The following GABRB1 variants were observed in gnomAD, a reference collection of about 807,000 sequenced individuals.
GABRB1 encodes gamma-aminobutyric acid type A receptor subunit beta1.
Under a neutral mutation model 51.6 loss-of-function variants are expected in GABRB1, and 17 were observed. That is an observed-to-expected ratio of 0.33 (90% CI 0.23 to 0.49). GABRB1 has a LOEUF of 0.49. Ranked by LOEUF, GABRB1 falls within the 20% of genes least tolerant of loss-of-function variation. The pLI is 0.99. For missense variants in GABRB1, 410 were observed against 600.6 expected (o/e 0.68, Z 3.32); for synonymous variants, 247 against 218.9 (o/e 1.13, Z -1.14).
intron 3 of GABRB1, among the ~76,000 whole-genome samples, chr4:47,077,292 G>A (rs1345442245): frequency 2.6e-5 from 4 of 152,132 alleles, no homozygotes; most frequent in African/African-American, 7.2e-5. Flanking sequence ...AGCTTGTTGG[G>A]AGCTAGATTT....
At chr4:47,370,967 A>C (rs1199320701) in intron 5 of GABRB1, among the ~76,000 whole-genome samples, 1 of 151,812 alleles carries the variant, frequency 6.6e-6, no homozygotes, top group Non-Finnish European at 1.5e-5. Context: ...GTACATGTTC[A>C]GGATGTGCAG....
At chr4:47,061,371 A>T (rs2109527989) in intron 3 of GABRB1, among the ~76,000 whole-genome samples, 1 of 152,296 alleles carries the variant, frequency 6.6e-6, no homozygotes, top group Non-Finnish European at 1.5e-5. Context: ...AGATTTGATT[A>T]AATGGTTACT....
At chr4:47,403,764 TA>T in intron 7 of GABRB1, 53 bp downstream of exon 7, 2 of 1,569,438 alleles carry the variant, frequency 1.3e-6, no homozygotes, top group Non-Finnish European at 1.7e-6. Flanking sequence ...TTCAAACAAA[TA>T]ACCAATATCA....
intron 3 of GABRB1, among the ~76,000 whole-genome samples, chr4:47,047,368 T>C (rs995800678): frequency 6.6e-6 from 1 of 152,132 alleles, no homozygotes; most frequent in Non-Finnish European, 1.5e-5. Context: ...ACCTACTTAA[T>C]CTATAAAGCA....
chr4:47,311,077 A>AC (rs1327863996), intron 4 of GABRB1, among the ~76,000 whole-genome samples: 17 of 150,342 alleles, frequency 1.1e-4, no homozygotes, highest in Non-Finnish European at 2.2e-4. Flanking sequence ...AAAAAAAAAA[A>AC]AAAAAACATG....
chr4:47,149,651 C>T (rs547196255), intron 3 of GABRB1, among the ~76,000 whole-genome samples: 44 of 152,104 alleles, frequency 2.9e-4, no homozygotes, highest in African/African-American at 1.0e-3. Flanking sequence ...TAGGTCCAGT[C>T]TATATCCTTA....
At chr4:47,384,896 T>A (rs1727732812) in intron 5 of GABRB1, among the ~76,000 whole-genome samples, 1 of 152,202 alleles carries the variant, frequency 6.6e-6, no homozygotes, top group Non-Finnish European at 1.5e-5. Flanking sequence ...TCTTTAAGGA[T>A]GCCAAATAGA....
rs777593434 is a variant in GABRB1 at position 47,425,991 on chromosome 4, C to T, written c.1398C>T (p.Val466=). The change falls in exon 9 of 9, where the codon GTC becomes GTT. Residue 466 remains valine (V), a synonymous_variant. Coordinates refer to ENST00000295454, the MANE Select transcript of GABRB1 (RefSeq NM_000812.4). ...FFPITFSLFN[V]VYWLYYVH ...CCATCACCTTTTCTCTTTTTAATGT[C>T]GTCTATTGGCTTTACTATGTACACT... 18 of 1,601,708 alleles carry T rather than the reference C, an allele frequency of 1.1e-5. No individual in the cohort carries two copies. Among genetic ancestry groups the T allele is most frequent in the Middle Eastern group, 3.3e-4 (2 of 6,034 alleles).
At chr4:47,298,263 A>G (rs1724093136) in intron 4 of GABRB1, among the ~76,000 whole-genome samples, 1 of 152,206 alleles carries the variant, frequency 6.6e-6, no homozygotes, top group African/African-American at 2.4e-5. Flanking sequence ...GAAGGAAATA[A>G]AGGGTATTCA....
At chr4:47,255,267 A>T (rs1359348232) in intron 4 of GABRB1, among the ~76,000 whole-genome samples, 1 of 152,218 alleles carries the variant, frequency 6.6e-6, no homozygotes, top group African/African-American at 2.4e-5. Context: ...TTACTAGTAG[A>T]TGTAGTTATT....
intron 5 of GABRB1, among the ~76,000 whole-genome samples, chr4:47,396,068 G>A (rs55660817): frequency 0.11 from 16,812 of 152,044 alleles, 1,179 homozygotes; most frequent in African/African-American, 0.2. Context: ...CTGTTTTCAC[G>A]CTGCTGATAC....
At chr4:47,002,425 T>C (rs959236480) in intron 1 of GABRB1, among the ~76,000 whole-genome samples, 21 of 152,224 alleles carry the variant, frequency 1.4e-4, no homozygotes, top group Admixed American at 6.5e-5. Flanking sequence ...GGAATTCCTC[T>C]TTTAAATATA....
chr4:47,179,554 C>T (rs187854702), intron 4 of GABRB1, among the ~76,000 whole-genome samples: 2 of 152,112 alleles, frequency 1.3e-5, no homozygotes, highest in Non-Finnish European at 2.9e-5. Context: ...ACTTTTAAGT[C>T]ATTTACTTTT....
At chr4:47,214,359 C>A (rs2109814599) in intron 4 of GABRB1, among the ~76,000 whole-genome samples, 1 of 152,260 alleles carries the variant, frequency 6.6e-6, no homozygotes, top group East Asian at 1.9e-4. Flanking sequence ...TACCTCTCAG[C>A]TCCAGAGTGG....
intron 3 of GABRB1, among the ~76,000 whole-genome samples, chr4:47,110,121 T>C (rs953983940): frequency 6.6e-6 from 1 of 152,184 alleles, no homozygotes; most frequent in Non-Finnish European, 1.5e-5. Context: ...AGCTTGAAGT[T>C]AGCAGTTCTG....
intron 3 of GABRB1, among the ~76,000 whole-genome samples, chr4:47,131,689 G>A (rs978230456): frequency 3.3e-5 from 5 of 152,054 alleles, no homozygotes; most frequent in Non-Finnish European, 4.4e-5. Context: ...GCAATGTTAC[G>A]ATATGGTAAA....
chr4:47,197,165 C>T (rs142305681), intron 4 of GABRB1, among the ~76,000 whole-genome samples: 2 of 152,164 alleles, frequency 1.3e-5, no homozygotes, highest in Non-Finnish European at 2.9e-5. Context: ...AGAGTTCCCT[C>T]GGGCATCTAG....
At chr4:47,297,750 T>A (rs1241798915) in intron 4 of GABRB1, among the ~76,000 whole-genome samples, 2 of 152,144 alleles carry the variant, frequency 1.3e-5, no homozygotes, top group Admixed American at 6.5e-5. Context: ...CCTCCCTAAC[T>A]CATTTTATGA....
chr4:47,049,778 T>G (rs1173151466), intron 3 of GABRB1, among the ~76,000 whole-genome samples: 1 of 152,200 alleles, frequency 6.6e-6, no homozygotes, highest in African/African-American at 2.4e-5. Flanking sequence ...ACAGTATATT[T>G]ATAAAGTAGA....
Sources: gnomAD v4.1 joint callset for allele counts (sites outside exome capture counted in the v4.1 genomes callset) on GRCh38, gnomAD v4.1.1 for gene constraint, MANE v1.5 for transcripts, NCBI Gene and HGNC (gene_info 2026-07-23, HGNC 2026-07-21) for gene names.